Variants in RIPOR3 observed in about 807,000 individuals in gnomAD.
RIPOR3 encodes the protein RIPOR family member 3, also known as family with sequence similarity 65 member C.
Under a neutral mutation model 114.3 loss-of-function variants are expected in RIPOR3, and 95 were observed. The ratio of observed to expected loss-of-function variants is 0.83; its 90% CI spans 0.70 to 0.99. RIPOR3 has a LOEUF of 0.99. Among genes scored for constraint, RIPOR3 ranks in the 50% least tolerant of loss-of-function variants. The probability of loss-of-function intolerance (pLI) is 0.00; values close to 1 mark genes in which losing one functional copy is unlikely to be tolerated. For missense variants in RIPOR3, 1,252 were observed against 1,266.9 expected, an observed-to-expected ratio of 0.99 and a Z score of 0.18; for synonymous variants, 575 against 543.8, an observed-to-expected ratio of 1.06 and a Z score of -0.80.
At chr20:50,647,532 G>A (rs2085448003) in intron 1 of RIPOR3, among the ~76,000 whole-genome samples, 2 of 145,420 alleles carry the variant, frequency 1.4e-5, no homozygotes, top group East Asian at 2.1e-4. Flanking sequence ...ACCCAGGCTG[G>A]AGTGCAGTGG....
At chr20:50,598,418 A>C (rs1004739532) in intron 13 of RIPOR3, among the ~76,000 whole-genome samples, 3 of 151,780 alleles carry the variant, frequency 2.0e-5, no homozygotes, top group Non-Finnish European at 4.4e-5. Context: ...AGCACACCCC[A>C]CCCAGGCCTT....
intron 16 of RIPOR3, 126 bp from the exon 17 acceptor site, chr20:50,594,840 G>A: frequency 9.0e-7 from 1 of 1,105,534 alleles, no homozygotes. Flanking sequence ...TTGATGCGAG[G>A]TCCCTTCCCT....
chr20:50,641,919 C>T (rs6096039), intron 1 of RIPOR3, among the ~76,000 whole-genome samples: 1 of 151,818 alleles, frequency 6.6e-6, no homozygotes, highest in Non-Finnish European at 1.5e-5. Flanking sequence ...CTGTTCAGCC[C>T]CTACTCCTAG....
At chr20:50,617,886 T>A (rs1316151009) in intron 3 of RIPOR3, among the ~76,000 whole-genome samples, 2 of 151,810 alleles carry the variant, frequency 1.3e-5, no homozygotes, top group Non-Finnish European at 2.9e-5. Context: ...CCTCCCAAAG[T>A]GCTAAGATTA....
At chr20:50,664,052 G>A (rs140486517) in intron 1 of RIPOR3, among the ~76,000 whole-genome samples, 2,014 of 150,880 alleles carry the variant, frequency 0.013, 22 homozygotes, top group Non-Finnish European at 0.021. Flanking sequence ...TCAGCCTCCC[G>A]ACTTGCTGGG....
chr20:50,637,111 C>T (rs2085015606), intron 1 of RIPOR3, among the ~76,000 whole-genome samples: 1 of 152,140 alleles, frequency 6.6e-6, no homozygotes, highest in African/African-American at 2.4e-5. Context: ...GGAACCAGTT[C>T]GCCTGTACCA....
At chr20:50,609,768 G>T (rs1445533464) in intron 6 of RIPOR3, 46 bp from the exon 7 acceptor site, 4 of 1,353,022 alleles carry the variant, frequency 3.0e-6, no homozygotes, top group East Asian at 3.0e-5. Flanking sequence ...GCGGAGGGGC[G>T]GCCCCACACC....
rs774576887 is a variant in RIPOR3, at chr20:50,587,788, G to T, written c.2752+14C>A. 1.9e-6 allele frequency: 3 copies of T among 1,613,946 alleles called. No individual in the cohort carries two copies. Among genetic ancestry groups the T allele is most frequent in the Non-Finnish European group, 1.7e-6 (2 of 1,179,868 alleles). On this transcript the variant is annotated intron_variant, in intron 21 of 21. Coordinates refer to ENST00000327979, the MANE Select transcript of RIPOR3 (RefSeq NM_001290268.2). Reference sequence around the variant, plus strand: ...GGCACCCCGCTGCGCTGCACAGTTTGTGCCACTTTTTACCGAACGACAGTG... The same window carrying T: ...GGCACCCCGCTGCGCTGCACAGTTTTTGCCACTTTTTACCGAACGACAGTG...
intron 2 of RIPOR3, chr20:50,621,040 T>G (rs2123166575): frequency 8.4e-6 from 4 of 475,884 alleles, no homozygotes; most frequent in Non-Finnish European, 1.6e-5. Context: ...GCCAATGTCC[T>G]GGCCGCCATG....
chr20:50,586,914 T>G lies in RIPOR3; in HGVS notation c.*318A>C. The G allele has an allele frequency of 2.6e-5, 7 of 269,632 alleles. No individual in the cohort carries two copies. The highest frequency in any genetic ancestry group is 3.6e-5 in the Non-Finnish European group (5 of 140,304). The allele number at this position is 269,632 out of a possible 1,614,324, so 16.7% of individuals were successfully genotyped here. On this transcript the variant is annotated 3_prime_UTR_variant, in exon 22 of 22. Transcript: ENST00000327979. Reference sequence around the variant, plus strand: ...CCTCAACTTGCCTGGCCTTGGCCCTTTTGTAGGTGGCCACCTAGTTTGGCT... The same window carrying G: ...CCTCAACTTGCCTGGCCTTGGCCCTGTTGTAGGTGGCCACCTAGTTTGGCT...
At chr20:50,666,226 T>TCTTTTCTCTTCTC (rs1555873214) in intron 1 of RIPOR3, among the ~76,000 whole-genome samples, 2 of 139,742 alleles carry the variant, frequency 1.4e-5, no homozygotes, top group Non-Finnish European at 3.1e-5. Context: ...TCTTTTCTTT[T>TCTTTTCTCTTCTC]TTGAGACGGA....
chr20:50,633,137 C>T (rs1036216890), intron 1 of RIPOR3, among the ~76,000 whole-genome samples: 1 of 152,196 alleles, frequency 6.6e-6, no homozygotes, highest in Admixed American at 6.5e-5. Flanking sequence ...TGGCAGGCGC[C>T]TGTAATCCCA....
At chr20:50,648,999 C>T (rs147546080) in intron 1 of RIPOR3, among the ~76,000 whole-genome samples, 2 of 152,212 alleles carry the variant, frequency 1.3e-5, no homozygotes, top group South Asian at 4.1e-4. Flanking sequence ...AGAATCCTTC[C>T]TTGCCTCTTC....
In RIPOR3 at chr20:50,597,576, T is replaced by C. The variant is rs1228603157; in HGVS notation, c.1790+4A>G. ...GGGTCACTGCTGGAAGGAGGTGCACTCACCGGAGACCCTGGGAGCCCCCAA... is the reference window on the plus strand; with the variant it reads ...GGGTCACTGCTGGAAGGAGGTGCACCCACCGGAGACCCTGGGAGCCCCCAA... On this transcript the variant is annotated splice_donor_region_variant and intron_variant, in intron 14 of 21. Transcript: ENST00000327979. The C allele has an allele frequency of 6.2e-7, 1 of 1,602,296 alleles. No homozygotes were observed.
intron 1 of RIPOR3, among the ~76,000 whole-genome samples, chr20:50,684,702 G>A (rs550096751): frequency 3.3e-5 from 5 of 152,354 alleles, no homozygotes; most frequent in Non-Finnish European, 7.3e-5. Flanking sequence ...TGGGACCAGG[G>A]TGGAGGGAGC....
rs2123164197 is a variant in RIPOR3 at position 50,620,783 on chromosome 20, A to G, written c.123-651T>C. 6 of 992,628 alleles carry G rather than the reference A, an allele frequency of 6.0e-6. No individual in the cohort carries two copies. In the South Asian group the frequency reaches 6.9e-5, roughly 11 times the overall value. 61.5% of individuals were successfully genotyped at this position (992,628 alleles called of 1,614,324 possible). A position where few individuals can be genotyped will look rare whatever the true frequency, so the allele number is the denominator to read the frequency against. On this transcript the variant is annotated intron_variant, in intron 2 of 21. Coordinates refer to ENST00000327979, the MANE Select transcript of RIPOR3 (RefSeq NM_001290268.2). ...CATGGCTCTGCGCTACCCTATGGCC[A>G]TGGGCCTCAACAAGGGCCACAAGGT...
chr20:50,637,853 T>C (rs1414181999), intron 1 of RIPOR3, among the ~76,000 whole-genome samples: 1 of 151,988 alleles, frequency 6.6e-6, no homozygotes, highest in Non-Finnish European at 1.5e-5. Flanking sequence ...CCAGCCTGGG[T>C]GATAAAGCAA....
rs1403721324 is a variant in RIPOR3 at position 50,597,660 on chromosome 20, G to A, written c.1710C>T (p.Cys570=). 1 of 1,612,296 alleles carries A rather than the reference G, an allele frequency of 6.2e-7. No individual in the cohort carries two copies. The highest frequency in any genetic ancestry group is 8.5e-7 in the Non-Finnish European group (1 of 1,179,284). Residue 570 remains cysteine, a synonymous_variant, in exon 14 of 22, where the codon TGC becomes TGT. Coordinates refer to ENST00000327979, the MANE Select transcript of RIPOR3 (RefSeq NM_001290268.2). ...TGAGGAAGGCGAAGCTCTCCAGGAT[G>A]CACTCCATCAGGCTCTCGGCCGAGG... ...EHTSAESLME[C]ILESFAFLNA...
intron 1 of RIPOR3, among the ~76,000 whole-genome samples, chr20:50,650,287 G>A (rs1362550718): frequency 6.8e-6 from 1 of 146,708 alleles, no homozygotes; most frequent in Non-Finnish European, 1.5e-5. Flanking sequence ...ATCACAGCAC[G>A]GGGGTTTGGG....
Sources: allele counts gnomAD v4.1 joint callset (sites outside exome capture counted in the v4.1 genomes callset), GRCh38; gene constraint gnomAD v4.1.1; transcripts MANE v1.5; gene names NCBI Gene and HGNC (gene_info 2026-07-23, HGNC 2026-07-21).